STK3: variants seen among roughly 807,000 people sequenced by gnomAD.
STK3 encodes the protein serine/threonine-protein kinase 3.
Under a neutral mutation model 58.0 loss-of-function variants are expected in STK3, and 41 were observed. The ratio of observed to expected loss-of-function variants is 0.71; its 90% CI spans 0.55 to 0.92. The LOEUF is 0.92. Ranked by LOEUF, STK3 falls within the 40% of genes least tolerant of loss-of-function variation. The pLI, the probability that STK3 is intolerant of heterozygous loss-of-function variation, is 0.00. For missense variants in STK3, 479 were observed against 602.7 expected (o/e 0.79, Z 2.15); for synonymous variants, 170 against 191.0 (o/e 0.89, Z 0.91).
the STK3 span, among the ~76,000 whole-genome samples, chr8:98,362,526 G>C: frequency 6.6e-6 from 1 of 152,142 alleles, no homozygotes; most frequent in Admixed American, 6.5e-5. Flanking sequence ...AGGGTGATGG[G>C]CGATACTGTG....
At chr8:98,597,353 T>C in intron 6 of STK3, 2 of 985,304 alleles carry the variant, frequency 2.0e-6, no homozygotes, top group Non-Finnish European at 2.4e-6. Context: ...AGTATATGCA[T>C]CTTCTTTCAA....
At chr8:98,460,353 T>C (rs1202485601) in intron 10 of STK3, among the ~76,000 whole-genome samples, 1 of 152,194 alleles carries the variant, frequency 6.6e-6, no homozygotes, top group Non-Finnish European at 1.5e-5. Flanking sequence ...TGTACCCCCA[T>C]TGTGTCTTGG....
intron 6 of STK3, among the ~76,000 whole-genome samples, chr8:98,654,285 C>G (rs751214551): frequency 8.5e-5 from 13 of 152,218 alleles, no homozygotes; most frequent in Admixed American, 2.0e-4. Context: ...ATTCAACAAT[C>G]CTTCATGCTA....
intron 8 of STK3, among the ~76,000 whole-genome samples, chr8:98,559,681 G>A (rs949642059): frequency 4.6e-5 from 7 of 152,000 alleles, no homozygotes; most frequent in Non-Finnish European, 1.0e-4. Context: ...TATGGACATC[G>A]CAAATTAAAT....
At chr8:98,785,600 C>A (rs1587616339) in intron 1 of STK3, among the ~76,000 whole-genome samples, 1 of 152,164 alleles carries the variant, frequency 6.6e-6, no homozygotes, top group East Asian at 1.9e-4. Flanking sequence ...GTACACTCCA[C>A]AAATCAGCCC....
intron 3 of STK3, among the ~76,000 whole-genome samples, chr8:98,869,525 T>C (rs777430635): frequency 1.3e-5 from 2 of 152,140 alleles, no homozygotes; most frequent in African/African-American, 2.4e-5. Context: ...TTATAGAGAA[T>C]GGCAGAAGGA....
chr8:98,579,150 C>CA (rs879881150), intron 8 of STK3, among the ~76,000 whole-genome samples: 55 of 143,346 alleles, frequency 3.8e-4, no homozygotes, highest in African/African-American at 9.5e-4. Context: ...GACTCTGTTT[C>CA]AAAAAAAAAA....
At chr8:98,860,367 G>GA (rs1836885016) in intron 3 of STK3, among the ~76,000 whole-genome samples, 1 of 152,194 alleles carries the variant, frequency 6.6e-6, no homozygotes, top group Non-Finnish European at 1.5e-5. Context: ...CCTGCTGTGG[G>GA]AAGACGCCCA....
chr8:98,646,532 C>T (rs1268878298), intron 6 of STK3, among the ~76,000 whole-genome samples: 1 of 152,102 alleles, frequency 6.6e-6, no homozygotes, highest in African/African-American at 2.4e-5. Context: ...ACAGAAAGAT[C>T]CCAACCCTAA....
chr8:98,571,204 C>T (rs945440800), intron 8 of STK3, among the ~76,000 whole-genome samples: 3 of 152,108 alleles, frequency 2.0e-5, no homozygotes, highest in Non-Finnish European at 4.4e-5. Flanking sequence ...GTGGCACACG[C>T]CTGTAACCCT....
intron 1 of STK3, among the ~76,000 whole-genome samples, chr8:98,778,585 G>C (rs1388783121): frequency 1.3e-5 from 2 of 152,162 alleles, no homozygotes; most frequent in Non-Finnish European, 2.9e-5. Context: ...GCACACGTAT[G>C]TTTATTGCGG....
intron 8 of STK3, among the ~76,000 whole-genome samples, chr8:98,570,315 T>A (rs2131679530): frequency 6.6e-6 from 1 of 151,374 alleles, no homozygotes; most frequent in East Asian, 1.9e-4. Flanking sequence ...TTTTAATTTT[T>A]TTTTTTGTAG....
At chr8:98,910,080 T>G (rs1251647374) in intron 1 of STK3, among the ~76,000 whole-genome samples, 1 of 152,232 alleles carries the variant, frequency 6.6e-6, no homozygotes, top group Non-Finnish European at 1.5e-5. Context: ...TTTTGATTTG[T>G]CCTTCTGTGA....
chr8:98,676,822 G>A (rs1396489004), intron 6 of STK3, among the ~76,000 whole-genome samples: 1 of 152,106 alleles, frequency 6.6e-6, no homozygotes, highest in Non-Finnish European at 1.5e-5. Context: ...AGCTGGTTAA[G>A]GTCTTTCAGT....
At chr8:98,655,730 A>C (rs1050230905) in intron 6 of STK3, among the ~76,000 whole-genome samples, 26 of 152,090 alleles carry the variant, frequency 1.7e-4, no homozygotes, top group Non-Finnish European at 2.1e-4. Context: ...AAAACACATG[A>C]AAAAATGCTC....
At position 98,708,739 on chromosome 8, in the gene STK3, T is replaced by C. The variant is rs189321996; in HGVS notation, c.352-1428A>G. On this transcript the variant is annotated intron_variant, in intron 4 of 10. Coordinates refer to ENST00000419617, the MANE Select transcript of STK3 (RefSeq NM_006281.4). ...GGAAATATTTGGTCTTTGTAGGTTC[T>C]TGGCACAAAATCTCCTAAGACCCTG... Among the ~76,000 whole-genome samples the C allele has an allele frequency of 9.8e-5, 15 of 152,294 alleles. No homozygotes were observed. In the East Asian group the frequency reaches 2.9e-3, roughly 29 times the overall value.
At chr8:98,571,570 C>T (rs1210314592) in intron 8 of STK3, among the ~76,000 whole-genome samples, 1 of 152,120 alleles carries the variant, frequency 6.6e-6, no homozygotes, top group Admixed American at 6.5e-5. Context: ...AGGACCGCAA[C>T]CTGAACAGCT....
chr8:98,442,799 T>C (rs1818744969), intron 1 of STK3, among the ~76,000 whole-genome samples: 1 of 152,228 alleles, frequency 6.6e-6, no homozygotes, highest in Admixed American at 6.5e-5. Context: ...TGCTTGCAAG[T>C]ATGTTTTTAT....
intron 1 of STK3, among the ~76,000 whole-genome samples, chr8:98,787,931 GA>G (rs1158046197): frequency 6.6e-6 from 1 of 152,090 alleles, no homozygotes; most frequent in Non-Finnish European, 1.5e-5. Context: ...CTGCTAAAAG[GA>G]GCTCTAAATC....
Sources: gnomAD v4.1 joint callset for allele counts (sites outside exome capture counted in the v4.1 genomes callset) on GRCh38, gnomAD v4.1.1 for gene constraint, MANE v1.5 for transcripts, NCBI Gene and HGNC (gene_info 2026-07-23, HGNC 2026-07-21) for gene names.